STPG2: variants seen among roughly 807,000 people sequenced by gnomAD.
The protein encoded by STPG2 is sperm tail PG-rich repeat containing 2, also known as sperm-tail PG-rich repeat-containing protein 2.
In STPG2, 56 loss-of-function variants were observed where a neutral mutation model predicts 54.2. The observed-to-expected ratio is 1.03, with a 90% CI of 0.83 to 1.29. The LOEUF is 1.29. Ranked by LOEUF, STPG2 falls within the 50% of genes most tolerant of loss-of-function variation. The probability of loss-of-function intolerance (pLI) is 0.00; values close to 1 mark genes in which losing one functional copy is unlikely to be tolerated. For synonymous variants in STPG2, 200 were observed against 181.8 expected, an observed-to-expected ratio of 1.10 and a Z score of -0.81; for missense variants, 596 against 544.9, an observed-to-expected ratio of 1.09 and a Z score of -0.93.
At chr4:98,063,642 C>G (rs965040127) in intron 5 of STPG2, among the ~76,000 whole-genome samples, 5 of 150,484 alleles carry the variant, frequency 3.3e-5, no homozygotes, top group African/African-American at 1.2e-4. Flanking sequence ...AAGAATAAAT[C>G]TCTAAAATTA....
chr4:97,494,886 G>A (rs967804885), intron 4 of STPG2, among the ~76,000 whole-genome samples: 7 of 151,382 alleles, frequency 4.6e-5, no homozygotes, highest in Non-Finnish European at 8.9e-5. Context: ...GCAACATTAA[G>A]AAAATATATA....
chr4:98,022,341 T>C (rs1259203396), intron 5 of STPG2, among the ~76,000 whole-genome samples: 2 of 152,016 alleles, frequency 1.3e-5, no homozygotes, highest in Non-Finnish European at 2.9e-5. Flanking sequence ...TGTTGAATAT[T>C]GGCCCCCACT....
At chr4:98,027,853 T>A (rs1427118778) in intron 5 of STPG2, among the ~76,000 whole-genome samples, 1 of 152,204 alleles carries the variant, frequency 6.6e-6, no homozygotes, top group Non-Finnish European at 1.5e-5. Context: ...GCCTTTAGAA[T>A]TCCAGAGTCT....
At chr4:97,923,809 G>C (rs1042011650) in intron 8 of STPG2, among the ~76,000 whole-genome samples, 1 of 152,150 alleles carries the variant, frequency 6.6e-6, no homozygotes, top group Non-Finnish European at 1.5e-5. Context: ...AGCTAATCTA[G>C]TGGAGAACTT....
chr4:98,056,429 T>C (rs1737487326), intron 5 of STPG2, among the ~76,000 whole-genome samples: 1 of 152,146 alleles, frequency 6.6e-6, no homozygotes, highest in Non-Finnish European at 1.5e-5. Context: ...GCTAGCACTT[T>C]GCTGCACCTT....
chr4:97,936,854 T>G (rs1181309441), intron 8 of STPG2, among the ~76,000 whole-genome samples: 1 of 152,162 alleles, frequency 6.6e-6, no homozygotes, highest in Non-Finnish European at 1.5e-5. Flanking sequence ...TGATTATGTG[T>G]CTTGGGGTTG....
At chr4:97,810,664 T>C (rs939372557) in intron 9 of STPG2, among the ~76,000 whole-genome samples, 2 of 152,118 alleles carry the variant, frequency 1.3e-5, no homozygotes, top group Admixed American at 6.6e-5. Flanking sequence ...AATAAGCCTA[T>C]GTTAAATTAA....
intron 10 of STPG2, among the ~76,000 whole-genome samples, chr4:97,560,612 T>C (rs1255594009): frequency 6.6e-6 from 1 of 152,084 alleles, no homozygotes; most frequent in Admixed American, 6.6e-5. Flanking sequence ...TCTCCTTTTC[T>C]CCATTTACCA....
At chr4:97,739,854 C>T (rs914932978) in intron 9 of STPG2, among the ~76,000 whole-genome samples, 2 of 152,074 alleles carry the variant, frequency 1.3e-5, no homozygotes, top group African/African-American at 4.8e-5. Context: ...TCCTCCCTAA[C>T]TCATTTTATG....
intron 8 of STPG2, among the ~76,000 whole-genome samples, chr4:97,931,919 G>A (rs1268359230): frequency 6.6e-6 from 1 of 151,936 alleles, no homozygotes; most frequent in Non-Finnish European, 1.5e-5. Flanking sequence ...TTCAATTTCA[G>A]AACTCATTAT....
In STPG2 at chr4:97,917,864, A is replaced by T. The variant is rs79395698; in HGVS notation, c.1044+26033T>A. 1.7e-3 allele frequency among the ~76,000 whole-genome samples: 253 copies of T among 152,254 alleles called. 6 individuals carry two copies. In the East Asian group the frequency reaches 0.048, roughly 29 times the overall value. On this transcript the variant is annotated intron_variant, in intron 8 of 10. Transcript: ENST00000295268. ...TCTTTTTAGGCTTATTAAATATTTC[A>T]TAACTATATCCATTCCACCGTTGAG...
chr4:97,685,725 T>A lies in STPG2; in HGVS notation c.1320+26974A>T, dbSNP rs369724896. Among the ~76,000 whole-genome samples, 31 of 152,306 alleles carry A rather than the reference T, an allele frequency of 2.0e-4. No individual in the cohort carries two copies. In the East Asian group the frequency reaches 5.8e-3, roughly 28 times the overall value. On this transcript the variant is annotated intron_variant, in intron 10 of 10. Coordinates refer to ENST00000295268, the MANE Select transcript of STPG2 (RefSeq NM_174952.3). ...ATTTAATAATAATGTTTTAATATTG[T>A]TAATCAGTTGTAACAAAACTATCAC...
At chr4:97,568,492 GTCTC>G (rs1230280049) in intron 10 of STPG2, among the ~76,000 whole-genome samples, 5 of 151,894 alleles carry the variant, frequency 3.3e-5, no homozygotes, top group African/African-American at 4.8e-5. Context: ...GTGTGTGTGT[GTCTC>G]TCTCTCTCAC....
At chr4:97,826,259 T>C (rs1192171054) in intron 9 of STPG2, among the ~76,000 whole-genome samples, 2 of 152,226 alleles carry the variant, frequency 1.3e-5, no homozygotes, top group African/African-American at 2.4e-5. Flanking sequence ...AAGTAGAATG[T>C]ACTTTTGGTA....
chr4:97,503,258 G>C (rs1305953490), intron 4 of STPG2, among the ~76,000 whole-genome samples: 1 of 151,892 alleles, frequency 6.6e-6, no homozygotes, highest in African/African-American at 2.4e-5. Context: ...AGCCATTGTG[G>C]AAGTATTTAC....
At chr4:97,907,673 T>C (rs1731495202) in intron 8 of STPG2, among the ~76,000 whole-genome samples, 1 of 152,144 alleles carries the variant, frequency 6.6e-6, no homozygotes. Context: ...AACAGAGATA[T>C]AGACCAATGG....
At chr4:98,024,394 T>C (rs980564713) in intron 5 of STPG2, among the ~76,000 whole-genome samples, 2 of 152,192 alleles carry the variant, frequency 1.3e-5, no homozygotes, top group African/African-American at 4.8e-5. Flanking sequence ...ACCTATTATT[T>C]ACATAACACC....
At chr4:97,862,011 C>T (rs1475082902) in intron 8 of STPG2, among the ~76,000 whole-genome samples, 1 of 152,044 alleles carries the variant, frequency 6.6e-6, no homozygotes, top group Non-Finnish European at 1.5e-5. Flanking sequence ...GAAACTGCAT[C>T]AACTAACGAG....
chr4:97,882,098 A>G (rs923905302), intron 8 of STPG2, among the ~76,000 whole-genome samples: 2 of 152,168 alleles, frequency 1.3e-5, no homozygotes, highest in Non-Finnish European at 2.9e-5. Flanking sequence ...GGATGATGAG[A>G]AACACCACAT....
Sources: gnomAD v4.1 joint callset for allele counts (sites outside exome capture counted in the v4.1 genomes callset) on GRCh38, gnomAD v4.1.1 for gene constraint, MANE v1.5 for transcripts, NCBI Gene and HGNC (gene_info 2026-07-23, HGNC 2026-07-21) for gene names.